FBXL17: variants seen among roughly 807,000 people sequenced by gnomAD.
The protein encoded by FBXL17 is F-box/LRR-repeat protein 17.
FBXL17 carries 22 observed loss-of-function variants against 66.2 expected under a neutral mutation model. The observed-to-expected ratio is 0.33, with a 90% confidence interval of 0.24 to 0.47. FBXL17 has a LOEUF of 0.47. FBXL17 is among the 20% of genes least tolerant of loss of function. The pLI is 1.00. For synonymous variants in FBXL17, 474 were observed against 400.5 expected (o/e 1.18, Z -2.19); for missense variants, 878 against 948.2 (o/e 0.93, Z 0.97).
chr5:108,364,743 T>C lies in FBXL17; in HGVS notation c.1369A>G (p.Lys457Glu). The C allele has an allele frequency of 6.2e-7, 1 of 1,605,448 alleles. No homozygotes were observed. The highest frequency in any genetic ancestry group is 8.5e-7 in the Non-Finnish European group (1 of 1,174,418). The change falls in exon 3 of 9, where the codon AAG (lysine) becomes GAG (glutamate). Residue 457 changes from lysine to glutamate, a missense_variant. Around this residue, in one of 4 missense-constraint regions of FBXL17, gnomAD observed 236 missense variants for 389.1 expected, o/e 0.61. Transcript: ENST00000542267. ...NQDKLTDEGL[K>E]QLGSKCRELK... ...TTATAAATGCTAAAATTTACCTGCT[T>C]GAGTCCTTCATCAGTGAGTTTGTCC... is the stretch of plus-strand genomic sequence containing the variant.
intron 7 of FBXL17, among the ~76,000 whole-genome samples, chr5:107,913,186 A>C (rs1017456436): frequency 6.6e-6 from 1 of 152,006 alleles, no homozygotes; most frequent in Non-Finnish European, 1.5e-5. Context: ...GGAGCTGAAG[A>C]AGCTGGTATG....
intron 7 of FBXL17, among the ~76,000 whole-genome samples, chr5:108,010,697 C>T (rs567243097): frequency 1.4e-4 from 21 of 152,038 alleles, no homozygotes; most frequent in Non-Finnish European, 2.5e-4. Context: ...CATAACGAGT[C>T]CATGTCAAAA....
At chr5:108,237,844 C>T (rs1458023831) in intron 4 of FBXL17, among the ~76,000 whole-genome samples, 3 of 152,094 alleles carry the variant, frequency 2.0e-5, no homozygotes, top group African/African-American at 7.2e-5. Context: ...ATATCTGATG[C>T]TCTACAGAGT....
chr5:108,111,742 A>C (rs1750043394), intron 6 of FBXL17, among the ~76,000 whole-genome samples: 1 of 152,186 alleles, frequency 6.6e-6, no homozygotes, highest in African/African-American at 2.4e-5. Context: ...CACTTGATTC[A>C]TCTCTGTATT....
chr5:107,897,780 C>T (rs1749430924), intron 7 of FBXL17, among the ~76,000 whole-genome samples: 1 of 151,230 alleles, frequency 6.6e-6, no homozygotes, highest in East Asian at 1.9e-4. Flanking sequence ...AGATGCCATT[C>T]TTATTATTAA....
rs201277461 is a variant in FBXL17, at chr5:108,061,624, TA to T, written c.1746-40624del. 7.2e-3 allele frequency among the ~76,000 whole-genome samples: 1,103 copies of T among 152,280 alleles called. 4 individuals are homozygous for T. The highest frequency in any genetic ancestry group is 0.011 in the Admixed American group (176 of 15,306). On this transcript the variant is annotated intron_variant, in intron 6 of 8. Coordinates refer to ENST00000542267, the MANE Select transcript of FBXL17 (RefSeq NM_001163315.3). ...AAACGAATAGTCAGGTCTGTAAAAT[TA>T]GGCTTTGTTAGAGCTCATTTTTGTT...
At chr5:108,321,821 G>T (rs982377969) in intron 4 of FBXL17, among the ~76,000 whole-genome samples, 2 of 151,536 alleles carry the variant, frequency 1.3e-5, no homozygotes, top group Non-Finnish European at 2.9e-5. Flanking sequence ...CACATATGAA[G>T]AACTAATATC....
At chr5:108,184,559 G>GGCC (rs1353306790) in intron 6 of FBXL17, among the ~76,000 whole-genome samples, 1 of 151,530 alleles carries the variant, frequency 6.6e-6, no homozygotes, top group Non-Finnish European at 1.5e-5. Flanking sequence ...CGCCCGCCTT[G>GGCC]GCCTCCCAAA....
chr5:108,223,519 G>T (rs947834443), intron 5 of FBXL17, among the ~76,000 whole-genome samples: 6 of 152,178 alleles, frequency 3.9e-5, no homozygotes, highest in African/African-American at 1.4e-4. Flanking sequence ...TTACACAAAT[G>T]TAAGAATTGG....
chr5:108,004,232 CT>C (rs200130541), intron 7 of FBXL17, among the ~76,000 whole-genome samples: 3,720 of 152,066 alleles, frequency 0.024, 148 homozygotes, highest in African/African-American at 0.079. Flanking sequence ...CCTGGGTAAA[CT>C]TATGTTTTGA....
At chr5:108,352,613 C>A (rs1005781635) in intron 3 of FBXL17, among the ~76,000 whole-genome samples, 1 of 152,046 alleles carries the variant, frequency 6.6e-6, no homozygotes, top group Admixed American at 6.5e-5. Flanking sequence ...TGGTTTCAAG[C>A]GATTCTCCTG....
At chr5:107,961,048 T>C (rs548314739) in intron 7 of FBXL17, among the ~76,000 whole-genome samples, 121 of 152,102 alleles carry the variant, frequency 8.0e-4, no homozygotes, top group African/African-American at 2.9e-3. Flanking sequence ...GAGTAAAAAG[T>C]GATACGGAGA....
chr5:107,950,375 G>A (rs549192104), intron 7 of FBXL17, among the ~76,000 whole-genome samples: 37 of 152,182 alleles, frequency 2.4e-4, no homozygotes, highest in Non-Finnish European at 4.1e-4. Context: ...GACTAAAAAA[G>A]TTTAATTGGA....
At chr5:108,137,585 C>A (rs1441276063) in intron 6 of FBXL17, among the ~76,000 whole-genome samples, 1 of 152,124 alleles carries the variant, frequency 6.6e-6, no homozygotes, top group African/African-American at 2.4e-5. Context: ...GAGATTATTT[C>A]ATTATTCTGG....
At chr5:108,273,107 G>A (rs537755314) in intron 4 of FBXL17, among the ~76,000 whole-genome samples, 4 of 152,090 alleles carry the variant, frequency 2.6e-5, no homozygotes, top group South Asian at 4.2e-4. Context: ...GAGGGAGTGC[G>A]CAAATAGGTG....
chr5:107,916,374 G>A (rs1750134210), intron 7 of FBXL17, among the ~76,000 whole-genome samples: 1 of 152,172 alleles, frequency 6.6e-6, no homozygotes, highest in Non-Finnish European at 1.5e-5. Flanking sequence ...TTCTACTTGA[G>A]CATGGGGGTA....
At chr5:108,138,767 T>C (rs1326795923) in intron 6 of FBXL17, among the ~76,000 whole-genome samples, 1 of 152,200 alleles carries the variant, frequency 6.6e-6, no homozygotes, top group Non-Finnish European at 1.5e-5. Context: ...GTCCCCACTC[T>C]CATGGAATCC....
intron 4 of FBXL17, among the ~76,000 whole-genome samples, chr5:108,321,596 A>G (rs910715680): frequency 3.3e-5 from 5 of 151,906 alleles, no homozygotes; most frequent in African/African-American, 9.7e-5. Context: ...TTACATTGCT[A>G]CTGCTCTATT....
intron 4 of FBXL17, among the ~76,000 whole-genome samples, chr5:108,266,015 A>C (rs571811388): frequency 6.6e-6 from 1 of 152,282 alleles, no homozygotes; most frequent in African/African-American, 2.4e-5. Context: ...AGGGGAACTA[A>C]TTCCAAATCT....
Sources: gnomAD v4.1 joint callset for allele counts (sites outside exome capture counted in the v4.1 genomes callset) on GRCh38, gnomAD v4.1.1 for gene constraint, gnomAD v4.1.1 regional missense constraint, MANE v1.5 for transcripts, NCBI Gene and HGNC (gene_info 2026-07-23, HGNC 2026-07-21) for gene names.